The following RNF150 variants were observed in gnomAD, a reference collection of about 807,000 sequenced individuals.
The protein encoded by RNF150 is ring finger protein 150.
RNF150 carries 24 observed loss-of-function variants against 39.3 expected under a neutral mutation model. The ratio of observed to expected loss-of-function variants is 0.61; its 90% CI spans 0.44 to 0.86. The LOEUF (loss-of-function observed/expected upper bound fraction) is 0.86. Among genes scored for constraint, RNF150 ranks in the 40% least tolerant of loss-of-function variants. RNF150 has a pLI of 0.00. For synonymous variants in RNF150, 255 were observed against 227.3 expected, an observed-to-expected ratio of 1.12 and a Z score of -1.10; for missense variants, 502 against 587.8, an observed-to-expected ratio of 0.85 and a Z score of 1.51.
chr4:141,085,572 T>A (rs1401763783), intron 1 of RNF150, among the ~76,000 whole-genome samples: 7 of 152,170 alleles, frequency 4.6e-5, no homozygotes, highest in African/African-American at 1.7e-4. Context: ...CCCAAGCTCT[T>A]GAGTATTCTC....
chr4:141,183,976 A>C (rs1727957358), intron 1 of RNF150, among the ~76,000 whole-genome samples: 1 of 152,186 alleles, frequency 6.6e-6, no homozygotes, highest in Admixed American at 6.5e-5. Flanking sequence ...ATACGTGTGC[A>C]TGTGTCTTTA....
At chr4:140,929,617 C>T (rs897488701) in intron 4 of RNF150, among the ~76,000 whole-genome samples, 1 of 151,994 alleles carries the variant, frequency 6.6e-6, no homozygotes, top group Non-Finnish European at 1.5e-5. Flanking sequence ...CCACTTGCCT[C>T]GGCCTCCCAA....
intron 1 of RNF150, among the ~76,000 whole-genome samples, chr4:141,149,892 A>G (rs1041872852): frequency 1.3e-5 from 2 of 152,190 alleles, no homozygotes; most frequent in African/African-American, 4.8e-5. Context: ...CCATGCCAAC[A>G]TCGATTTTTT....
At chr4:141,125,030 C>A (rs1010303242) in intron 1 of RNF150, among the ~76,000 whole-genome samples, 1 of 151,816 alleles carries the variant, frequency 6.6e-6, no homozygotes, top group Non-Finnish European at 1.5e-5. Flanking sequence ...ATGGAATGGG[C>A]GAAGTAAAAA....
At chr4:140,999,551 A>G (rs1015277233) in intron 1 of RNF150, among the ~76,000 whole-genome samples, 12 of 152,158 alleles carry the variant, frequency 7.9e-5, no homozygotes, top group African/African-American at 2.4e-4. Flanking sequence ...CTTGTTACAA[A>G]AAGTTGGGGC....
chr4:141,159,913 G>GT (rs200340689), intron 1 of RNF150, among the ~76,000 whole-genome samples: 4,813 of 150,442 alleles, frequency 0.032, 262 homozygotes, highest in African/African-American at 0.11. Context: ...TTACTGGTGT[G>GT]TTTTTTTTTC....
At chr4:140,898,487 C>A (rs1184743648) in intron 6 of RNF150, among the ~76,000 whole-genome samples, 1 of 152,158 alleles carries the variant, frequency 6.6e-6, no homozygotes, top group Non-Finnish European at 1.5e-5. Context: ...CACAGATGTG[C>A]ATGCATGTCG....
At chr4:140,964,885 A>G (rs921296535) in intron 2 of RNF150, among the ~76,000 whole-genome samples, 6 of 152,032 alleles carry the variant, frequency 3.9e-5, no homozygotes, top group African/African-American at 1.2e-4. Context: ...TGGTTTAGAG[A>G]GCACAGAAAT....
intron 1 of RNF150, among the ~76,000 whole-genome samples, chr4:141,059,533 T>A (rs1737128926): frequency 6.6e-6 from 1 of 152,174 alleles, no homozygotes; most frequent in African/African-American, 2.4e-5. Flanking sequence ...CATTTTTTTT[T>A]AGAATTCATC....
intron 6 of RNF150, among the ~76,000 whole-genome samples, chr4:140,892,447 C>T (rs1182035322): frequency 2.0e-5 from 3 of 152,212 alleles, no homozygotes; most frequent in Non-Finnish European, 4.4e-5. Flanking sequence ...CCTGTGCTGG[C>T]TGCTTTTCAT....
At chr4:140,963,338 G>T (rs531248690) in intron 2 of RNF150, among the ~76,000 whole-genome samples, 1 of 152,100 alleles carries the variant, frequency 6.6e-6, no homozygotes, top group Non-Finnish European at 1.5e-5. Flanking sequence ...TAATTCCAGT[G>T]CTATTTAAAA....
chr4:140,902,251 G>A (rs1219132850), intron 6 of RNF150, among the ~76,000 whole-genome samples: 2 of 152,146 alleles, frequency 1.3e-5, no homozygotes, highest in East Asian at 3.9e-4. Context: ...GTTTCACTAA[G>A]GAGGACAATA....
chr4:140,938,353 AGAGT>A (rs1045728038), intron 4 of RNF150, among the ~76,000 whole-genome samples: 58 of 151,970 alleles, frequency 3.8e-4, no homozygotes, highest in African/African-American at 1.3e-3. Context: ...CCTGGCAGGG[AGAGT>A]GAGTGAGAGG....
rs35925074 is a variant in RNF150, at chr4:140,982,515, CT to C, written c.485-14643del. On this transcript the variant is annotated intron_variant, in intron 1 of 6. Transcript: ENST00000515673. ...GAATTAATGAAGTATGTAGCACAGA[CT>C]TTTTTTTTTTTTTTTTGGTGAGAAT... is the stretch of plus-strand genomic sequence containing the variant. Among the ~76,000 whole-genome samples the C allele has an allele frequency of 7.8e-3, 1,037 of 132,868 alleles. 15 individuals are homozygous for C. The highest frequency in any genetic ancestry group is 0.026 in the African/African-American group (926 of 36,032). The allele number at this position is 132,868 out of a possible 152,430, so 87.2% of individuals were successfully genotyped here.
chr4:140,972,653 G>A (rs1181273534), intron 1 of RNF150, among the ~76,000 whole-genome samples: 9 of 151,964 alleles, frequency 5.9e-5, no homozygotes, highest in Admixed American at 4.6e-4. Context: ...GATGATACTC[G>A]CCACTCCAGG....
intron 1 of RNF150, among the ~76,000 whole-genome samples, chr4:140,980,011 G>GA (rs566942689): frequency 6.6e-6 from 1 of 151,986 alleles, no homozygotes; most frequent in East Asian, 1.9e-4. Flanking sequence ...GAACTACTGG[G>GA]AAAAATCACA....
chr4:140,970,252 A>G (rs899603075), intron 1 of RNF150, among the ~76,000 whole-genome samples: 1 of 152,144 alleles, frequency 6.6e-6, no homozygotes, highest in Non-Finnish European at 1.5e-5. Context: ...TTTAATAACA[A>G]TATTTATTGA....
intron 1 of RNF150, among the ~76,000 whole-genome samples, chr4:140,999,993 A>AGAAG (rs1414434256): frequency 1.6e-5 from 1 of 63,302 alleles, no homozygotes; most frequent in Non-Finnish European, 3.5e-5. Flanking sequence ...GAAAAGAAGA[A>AGAAG]AAGAAGAAGA....
intron 6 of RNF150, among the ~76,000 whole-genome samples, chr4:140,897,164 A>AGTTTGACTTGAAGAGATAGGT (rs1729992749): frequency 1.3e-5 from 2 of 152,180 alleles, no homozygotes; most frequent in South Asian, 4.1e-4. Flanking sequence ...AAGGCAGAGT[A>AGTTTGACTTGAAGAGATAGGT]AACAAGAAAT....
Sources: gnomAD v4.1 joint callset for allele counts (sites outside exome capture counted in the v4.1 genomes callset) on GRCh38, gnomAD v4.1.1 for gene constraint, MANE v1.5 for transcripts, NCBI Gene and HGNC (gene_info 2026-07-23, HGNC 2026-07-21) for gene names.